The following ARL15 variants were observed in gnomAD, a reference collection of about 807,000 sequenced individuals.
ARL15 encodes the protein ADP-ribosylation factor-like protein 15.
ARL15 carries 19 observed loss-of-function variants against 25.2 expected under a neutral mutation model. That is an observed-to-expected ratio of 0.75 (90% CI 0.53 to 1.10). ARL15 has a LOEUF of 1.10. Ranked by LOEUF, ARL15 falls within the 50% of genes least tolerant of loss-of-function variation. ARL15 has a pLI of 0.00. For synonymous variants in ARL15, 94 were observed against 86.8 expected, an observed-to-expected ratio of 1.08 and a Z score of -0.46; for missense variants, 220 against 246.0, an observed-to-expected ratio of 0.89 and a Z score of 0.71.
intron 1 of ARL15, among the ~76,000 whole-genome samples, chr5:54,198,232 G>C (rs1389958242): frequency 3.3e-5 from 5 of 151,996 alleles, no homozygotes; most frequent in African/African-American, 1.2e-4. Context: ...TTGAAAACTG[G>C]CACAAGACAG....
chr5:54,240,248 A>G (rs1579942334), intron 1 of ARL15, among the ~76,000 whole-genome samples: 1 of 137,926 alleles, frequency 7.3e-6, no homozygotes, highest in Admixed American at 7.5e-5. Flanking sequence ...AAAAAAAAAC[A>G]CATCGCCAAT....
chr5:53,952,535 T>TA (rs774287673), intron 4 of ARL15, among the ~76,000 whole-genome samples: 11 of 151,892 alleles, frequency 7.2e-5, no homozygotes, highest in African/African-American at 2.2e-4. Context: ...AGCACTACAT[T>TA]AAAAAAAATG....
At chr5:54,155,680 T>TCACA (rs58416810) in intron 2 of ARL15, among the ~76,000 whole-genome samples, 31,518 of 149,732 alleles carry the variant, frequency 0.21, 4,045 homozygotes, top group East Asian at 0.61. Flanking sequence ...ATATACCCAT[T>TCACA]CACACACACA....
At chr5:54,072,457 T>C (rs1751458965) in intron 4 of ARL15, among the ~76,000 whole-genome samples, 2 of 152,180 alleles carry the variant, frequency 1.3e-5, no homozygotes, top group African/African-American at 2.4e-5. Flanking sequence ...AACAAGGACA[T>C]AGTTTCAAGG....
chr5:54,173,252 T>A (rs544310630), intron 1 of ARL15, among the ~76,000 whole-genome samples: 18 of 151,454 alleles, frequency 1.2e-4, no homozygotes, highest in African/African-American at 3.4e-4. Flanking sequence ...AGACAGGGTA[T>A]CATTTGTGCA....
chr5:54,089,344 T>C (rs1055381868), intron 4 of ARL15, among the ~76,000 whole-genome samples: 1 of 152,188 alleles, frequency 6.6e-6, no homozygotes, highest in African/African-American at 2.4e-5. Flanking sequence ...TCACATCTAA[T>C]ACTATACAAG....
At chr5:53,960,599 T>C (rs912431307) in intron 4 of ARL15, among the ~76,000 whole-genome samples, 20 of 152,200 alleles carry the variant, frequency 1.3e-4, no homozygotes, top group African/African-American at 4.8e-4. Flanking sequence ...TAAAGAGACG[T>C]CAAGATGTTT....
intron 4 of ARL15, among the ~76,000 whole-genome samples, chr5:54,066,595 T>C (rs1751241375): frequency 6.6e-6 from 1 of 152,130 alleles, no homozygotes; most frequent in African/African-American, 2.4e-5. Flanking sequence ...ACTTTGATCC[T>C]CAGGGGACAT....
intron 4 of ARL15, among the ~76,000 whole-genome samples, chr5:54,066,164 C>T (rs1018828900): frequency 9.8e-5 from 15 of 152,300 alleles, no homozygotes; most frequent in Admixed American, 8.5e-4. Context: ...AATGAATCCA[C>T]ATCTGTCTGA....
chr5:54,048,111 A>T (rs988991192), intron 4 of ARL15: 2 of 151,908 alleles, frequency 1.3e-5, no homozygotes, highest in African/African-American at 4.8e-5. Context: ...TCTATTTCCA[A>T]CCTGGGCCAG....
chr5:54,257,974 G>A (rs1023886327), intron 1 of ARL15, among the ~76,000 whole-genome samples: 11 of 152,002 alleles, frequency 7.2e-5, no homozygotes, highest in African/African-American at 2.7e-4. Flanking sequence ...GTAGACACTG[G>A]CTAAGTCAGA....
At chr5:53,930,214 AG>A (rs1746156462) in intron 4 of ARL15, among the ~76,000 whole-genome samples, 1 of 152,220 alleles carries the variant, frequency 6.6e-6, no homozygotes. Flanking sequence ...ATTGGCTACC[AG>A]GGAGGGGAAG....
At chr5:54,061,988 C>T (rs1236901233) in intron 4 of ARL15, among the ~76,000 whole-genome samples, 1 of 152,360 alleles carries the variant, frequency 6.6e-6, no homozygotes, top group East Asian at 1.9e-4. Flanking sequence ...TGGGAACCTA[C>T]TTGTTGCATC....
intron 1 of ARL15, chr5:54,282,295 A>T: frequency 1.0e-6 from 1 of 985,476 alleles, no homozygotes. Context: ...TTCTACAAAC[A>T]GCAAATGAGA....
intron 1 of ARL15, among the ~76,000 whole-genome samples, chr5:54,292,807 T>A (rs72756289): frequency 6.6e-6 from 1 of 152,066 alleles, no homozygotes; most frequent in African/African-American, 2.4e-5. Flanking sequence ...GGCCTGTTTC[T>A]CATATTAAAA....
chr5:54,126,037 T>TA (rs1462116002), intron 3 of ARL15, among the ~76,000 whole-genome samples: 6 of 152,038 alleles, frequency 3.9e-5, no homozygotes, highest in African/African-American at 1.4e-4. Context: ...AGATTTTTTT[T>TA]AAAAAAGAAA....
At chr5:54,118,900 C>T (rs138113871) in intron 3 of ARL15, among the ~76,000 whole-genome samples, 222 of 152,316 alleles carry the variant, frequency 1.5e-3, no homozygotes, top group African/African-American at 5.1e-3. Flanking sequence ...ACGTACCATA[C>T]AAACTGATAT....
chr5:54,057,968 C>A (rs865827822), intron 4 of ARL15, among the ~76,000 whole-genome samples: 3 of 151,480 alleles, frequency 2.0e-5, no homozygotes, highest in African/African-American at 7.3e-5. Flanking sequence ...TTATCTCTGT[C>A]TCCACTAATT....
intron 1 of ARL15, among the ~76,000 whole-genome samples, chr5:54,252,228 A>G (rs1291841776): frequency 6.6e-6 from 1 of 152,154 alleles, no homozygotes; most frequent in African/African-American, 2.4e-5. Context: ...AAGGATCTCG[A>G]CATCACTCCA....
Sources: gnomAD v4.1 joint callset for allele counts (sites outside exome capture counted in the v4.1 genomes callset) on GRCh38, gnomAD v4.1.1 for gene constraint, MANE v1.5 for transcripts, NCBI Gene and HGNC (gene_info 2026-07-23, HGNC 2026-07-21) for gene names.